Variants in EGFLAM observed in about 807,000 individuals in gnomAD.
The protein encoded by EGFLAM is pikachurin.
A neutral mutation model predicts 113.1 loss-of-function variants in EGFLAM; 79 were observed. The ratio of observed to expected loss-of-function variants is 0.70; its 90% CI spans 0.58 to 0.84. The LOEUF (loss-of-function observed/expected upper bound fraction) is 0.84, where lower values mean the gene tolerates loss of function less well. Ranked by LOEUF, EGFLAM falls within the 40% of genes least tolerant of loss-of-function variation. The probability of loss-of-function intolerance (pLI) is 0.00; values close to 1 mark genes in which losing one functional copy is unlikely to be tolerated. For missense variants in EGFLAM, 1,265 were observed against 1,291.6 expected (o/e 0.98, Z 0.32); for synonymous variants, 504 against 487.6 (o/e 1.03, Z -0.44).
At position 38,425,135 on chromosome 5, in the gene EGFLAM, A is replaced by C. The variant is rs906397185; in HGVS notation, c.1810+43A>C. On this transcript the variant is annotated intron_variant, in intron 13 of 21. Transcript: ENST00000322350. ...TGAAGGCGGTTTCTATCTGCATGTT[A>C]ATTTGTGTAGATGTACTTTATCATC... 1.9e-6 allele frequency: 3 copies of C among 1,601,690 alleles called. No individual in the cohort carries two copies. The African/African-American group carries it at 4.0e-5, about 22-fold the overall frequency.
At chr5:38,325,743 G>A (rs553756050) in intron 1 of EGFLAM, among the ~76,000 whole-genome samples, 1 of 152,088 alleles carries the variant, frequency 6.6e-6, no homozygotes, top group South Asian at 2.1e-4. Flanking sequence ...GTTATTCCAG[G>A]AAAAATAAAC....
At chr5:38,442,156 A>ATG (rs565637434) in intron 17 of EGFLAM, among the ~76,000 whole-genome samples, 97 of 152,112 alleles carry the variant, frequency 6.4e-4, no homozygotes, top group African/African-American at 2.3e-3. Flanking sequence ...GTATATATAT[A>ATG]AAAAAAGCTT....
rs564402065 is a variant in EGFLAM, at chr5:38,319,140, C to A, written c.98-18380C>A. Among the ~76,000 whole-genome samples, 13 of 152,236 alleles carry A rather than the reference C, an allele frequency of 8.5e-5. No individual in the cohort carries two copies. The South Asian group carries it at 2.7e-3, about 32-fold the overall frequency. On this transcript the variant is annotated intron_variant, in intron 1 of 21. Coordinates refer to ENST00000322350, the MANE Select transcript of EGFLAM (RefSeq NM_152403.4). ...GGAAAGGTGACCTTGTTCCAGTGCC[C>A]TGTCTCCTTCAGCAGACCCCCAACT...
At chr5:38,398,772 C>G (rs1741026625) in intron 6 of EGFLAM, among the ~76,000 whole-genome samples, 1 of 152,200 alleles carries the variant, frequency 6.6e-6, no homozygotes, top group Admixed American at 6.5e-5. Flanking sequence ...CAGGTCTGAC[C>G]TGACATTATT....
intron 1 of EGFLAM, among the ~76,000 whole-genome samples, chr5:38,267,722 T>C (rs998194302): frequency 8.5e-5 from 13 of 152,096 alleles, no homozygotes; most frequent in African/African-American, 3.1e-4. Flanking sequence ...GCCATGCCAG[T>C]GGTTAGATAT....
At chr5:38,335,558 T>C (rs975294753) in intron 1 of EGFLAM, among the ~76,000 whole-genome samples, 8 of 152,202 alleles carry the variant, frequency 5.3e-5, no homozygotes, top group Non-Finnish European at 1.0e-4. Context: ...TGCCTCTTGG[T>C]TGAGCCAAGA....
chr5:38,355,230 A>C (rs1579812735), intron 5 of EGFLAM, among the ~76,000 whole-genome samples: 1 of 152,200 alleles, frequency 6.6e-6, no homozygotes, highest in Non-Finnish European at 1.5e-5. Context: ...TCTGAAACCC[A>C]CAGAATTCTT....
chr5:38,336,397 C>A (rs970842616), intron 1 of EGFLAM, among the ~76,000 whole-genome samples: 1 of 152,154 alleles, frequency 6.6e-6, no homozygotes, highest in Non-Finnish European at 1.5e-5. Flanking sequence ...CACAGTGAAA[C>A]CCCGTCTCTA....
chr5:38,403,997 G>C (rs1371773377), intron 6 of EGFLAM: 3 of 1,599,436 alleles, frequency 1.9e-6, no homozygotes, highest in Non-Finnish European at 2.6e-6. Context: ...CCTCCCCTTT[G>C]TTATCCCACC....
At chr5:38,258,902 G>A in intron 1 of EGFLAM, 51 bp downstream of exon 1, 2 of 1,556,848 alleles carry the variant, frequency 1.3e-6, no homozygotes, top group Non-Finnish European at 1.7e-6. Flanking sequence ...CCCCTGCTGG[G>A]CTCCGGGGCG....
At chr5:38,453,789 G>A (rs565722538) in intron 19 of EGFLAM, among the ~76,000 whole-genome samples, 11 of 152,054 alleles carry the variant, frequency 7.2e-5, no homozygotes, top group Non-Finnish European at 1.6e-4. Flanking sequence ...GCTGTGGGTG[G>A]GATGGTCCAA....
intron 1 of EGFLAM, among the ~76,000 whole-genome samples, chr5:38,325,461 C>T (rs932636934): frequency 6.6e-6 from 1 of 152,058 alleles, no homozygotes; most frequent in Non-Finnish European, 1.5e-5. Context: ...TTTGAGAAAC[C>T]GAAATGTGCA....
At chr5:38,306,799 G>A (rs1401540650) in intron 1 of EGFLAM, among the ~76,000 whole-genome samples, 1 of 152,184 alleles carries the variant, frequency 6.6e-6, no homozygotes, top group Non-Finnish European at 1.5e-5. Flanking sequence ...GTGATATTTA[G>A]TCAATTTCAG....
chr5:38,405,058 A>T (rs903157637), intron 6 of EGFLAM, among the ~76,000 whole-genome samples: 1 of 152,156 alleles, frequency 6.6e-6, no homozygotes, highest in Non-Finnish European at 1.5e-5. Context: ...AAGATGGATG[A>T]AATGGATGAC....
intron 1 of EGFLAM, among the ~76,000 whole-genome samples, chr5:38,325,993 AT>A (rs1293751853): frequency 4.6e-5 from 7 of 152,012 alleles, no homozygotes; most frequent in African/African-American, 1.7e-4. Context: ...TATTACAAAT[AT>A]TTATTTGAGG....
chr5:38,456,416 A>T (rs538899131), intron 19 of EGFLAM, among the ~76,000 whole-genome samples: 1 of 152,148 alleles, frequency 6.6e-6, no homozygotes, highest in African/African-American at 2.4e-5. Context: ...CCCACCAGCA[A>T]CTCGCCCTAC....
chr5:38,273,744 C>G lies in EGFLAM; in HGVS notation c.97+14893C>G, dbSNP rs141666915. Among the ~76,000 whole-genome samples the G allele has an allele frequency of 4.8e-3, 736 of 152,340 alleles. 10 individuals carry two copies. Among genetic ancestry groups the G allele is most frequent in the African/African-American group, 0.017 (692 of 41,580 alleles). ...TATTGAAGGACATTCCTAGACAGAG[C>G]TAGACTGTGAACACTGGAATAAGTA... is the stretch of plus-strand genomic sequence containing the variant. On this transcript the variant is annotated intron_variant, in intron 1 of 21. Coordinates refer to ENST00000322350, the MANE Select transcript of EGFLAM (RefSeq NM_152403.4).
At chr5:38,435,994 T>C (rs958039693) in intron 16 of EGFLAM, among the ~76,000 whole-genome samples, 4 of 151,968 alleles carry the variant, frequency 2.6e-5, no homozygotes, top group Admixed American at 2.6e-4. Flanking sequence ...ATTTTTGTAT[T>C]TTTAGTAGAG....
chr5:38,438,161 A>T (rs1429403778), intron 16 of EGFLAM, 114 bp from the exon 17 acceptor site: 27 of 1,149,196 alleles, frequency 2.3e-5, no homozygotes, highest in Admixed American at 3.6e-5. Context: ...GACTTAAAAA[A>T]ATTTTTTTTC....
Sources: gnomAD v4.1 joint callset for allele counts (sites outside exome capture counted in the v4.1 genomes callset) on GRCh38, gnomAD v4.1.1 for gene constraint, MANE v1.5 for transcripts, NCBI Gene and HGNC (gene_info 2026-07-23, HGNC 2026-07-21) for gene names.